The following TXNDC11 variants were observed in gnomAD, a reference collection of about 807,000 sequenced individuals.
TXNDC11 encodes thioredoxin domain-containing protein 11.
A neutral mutation model predicts 78.0 loss-of-function variants in TXNDC11; 68 were observed. The ratio of observed to expected loss-of-function variants is 0.87; its 90% CI spans 0.72 to 1.07. The LOEUF is 1.07. Among genes scored for constraint, TXNDC11 ranks in the 50% least tolerant of loss-of-function variants. The pLI, the probability that TXNDC11 is intolerant of heterozygous loss-of-function variation, is 0.00. For missense variants in TXNDC11, 1,389 were observed against 1,221.8 expected (o/e 1.14, Z -2.04); for synonymous variants, 571 against 495.2 (o/e 1.15, Z -2.03).
At chr16:11,721,753 A>G in intron 4 of TXNDC11, 83 bp from the exon 5 acceptor site, 1 of 694,330 alleles carries the variant, frequency 1.4e-6, no homozygotes, top group Non-Finnish European at 2.4e-6. Flanking sequence ...AAGACATATT[A>G]CAATTTGACA....
chr16:11,723,132 C>A (rs2141093173), intron 4 of TXNDC11, among the ~76,000 whole-genome samples: 1 of 151,980 alleles, frequency 6.6e-6, no homozygotes, highest in Admixed American at 6.6e-5. Context: ...GTGGTACATG[C>A]CTGTAGTCCC....
intron 1 of TXNDC11, among the ~76,000 whole-genome samples, chr16:11,741,080 C>T (rs1350137286): frequency 1.3e-5 from 2 of 152,124 alleles, no homozygotes; most frequent in African/African-American, 4.8e-5. Context: ...AATTATCTGA[C>T]CCAAAATATC....
At chr16:11,741,127 C>T (rs1467813229) in intron 1 of TXNDC11, among the ~76,000 whole-genome samples, 2 of 152,176 alleles carry the variant, frequency 1.3e-5, no homozygotes, top group Non-Finnish European at 2.9e-5. Flanking sequence ...CTGACAGTAC[C>T]TGGCCTATGG....
At chr16:11,709,457 C>T (rs1431988504) in intron 5 of TXNDC11, among the ~76,000 whole-genome samples, 3 of 92,842 alleles carry the variant, frequency 3.2e-5, no homozygotes, top group Non-Finnish European at 5.8e-5. Flanking sequence ...TTTTTTGAGA[C>T]GGAGTCTCGC....
chr16:11,715,307 T>C (rs1450879624), intron 5 of TXNDC11, among the ~76,000 whole-genome samples: 2 of 152,110 alleles, frequency 1.3e-5, no homozygotes, highest in Non-Finnish European at 2.9e-5. Context: ...ATTTGATCTC[T>C]ACAAAAAAAA....
intron 7 of TXNDC11, among the ~76,000 whole-genome samples, chr16:11,693,818 G>A (rs546144945): frequency 1.6e-4 from 24 of 152,254 alleles, no homozygotes; most frequent in African/African-American, 4.8e-4. Flanking sequence ...AATCCGTGAA[G>A]AGCCCAGATG....
At chr16:11,699,258 T>C (rs1439592460) in intron 6 of TXNDC11, among the ~76,000 whole-genome samples, 2 of 152,320 alleles carry the variant, frequency 1.3e-5, no homozygotes, top group East Asian at 1.9e-4. Context: ...AAACCTGATA[T>C]ATTTTTCCAT....
rs1179452100 is a variant in TXNDC11 at position 11,742,763 on chromosome 16, G to A, written c.-33C>T. The A allele has an allele frequency of 2.1e-6, 3 of 1,428,250 alleles. No homozygotes were observed. Among genetic ancestry groups the A allele is most frequent in the South Asian group, 3.0e-5 (2 of 66,792 alleles). The allele number at this position is 1,428,250 out of a possible 1,614,324, so 88.5% of individuals were successfully genotyped here. Reference sequence around the variant, plus strand: ...TCCCAGTCGCCGGCTTTATACCGCCGCCGCCGCCTCGGGCCCGAAGGCCCG... The same window carrying A: ...TCCCAGTCGCCGGCTTTATACCGCCACCGCCGCCTCGGGCCCGAAGGCCCG... On this transcript the variant is annotated 5_prime_UTR_variant, in exon 1 of 12. Coordinates refer to ENST00000283033, the MANE Select transcript of TXNDC11 (RefSeq NM_015914.7).
intron 1 of TXNDC11, among the ~76,000 whole-genome samples, chr16:11,737,884 C>G (rs2052273606): frequency 6.7e-6 from 1 of 148,278 alleles, no homozygotes; most frequent in Non-Finnish European, 1.5e-5. Context: ...AGGAAGCAAC[C>G]TAATTAGGAG....
intron 3 of TXNDC11, 73 bp downstream of exon 3, chr16:11,733,909 G>GA (rs1364615993): frequency 6.2e-6 from 7 of 1,128,424 alleles, no homozygotes; most frequent in East Asian, 2.5e-5. Flanking sequence ...CTTTAATATA[G>GA]AAAAAATGCA....
chr16:11,691,513 A>G lies in TXNDC11; in HGVS notation c.1677T>C (p.Phe559=). The change falls in exon 8 of 12, where the codon TTT becomes TTC. Residue 559 remains phenylalanine, a synonymous_variant. Transcript: ENST00000283033. The stretch of plus-strand genomic sequence containing the variant: ...TTGTGCTAGTCATGTCCACTTCTGG[A>G]AAGAGATACCTGTTCTCCTCAATGT... ...VPHIEENRYL[F]PEVDMTSTNF... The G allele has an allele frequency of 3.1e-6, 5 of 1,614,208 alleles. No individual in the cohort carries two copies. The highest frequency in any genetic ancestry group is 4.2e-6 in the Non-Finnish European group (5 of 1,180,044).
At chr16:11,680,933 G>A (rs2050407632) in intron 11 of TXNDC11, among the ~76,000 whole-genome samples, 1 of 152,154 alleles carries the variant, frequency 6.6e-6, no homozygotes, top group Admixed American at 6.5e-5. Context: ...TTGGGAGGCT[G>A]AGGTGGGAGG....
intron 11 of TXNDC11, among the ~76,000 whole-genome samples, chr16:11,683,003 G>C (rs959188639): frequency 1.3e-5 from 2 of 152,162 alleles, no homozygotes. Context: ...GCGAGCCAGG[G>C]AACTCCCTAA....
Position 11,679,410 on chromosome 16 carries a change from G to C in TXNDC11, c.2662C>G (p.Leu888Val). 1.2e-6 allele frequency: 2 copies of C among 1,613,368 alleles called. No individual in the cohort carries two copies. Among genetic ancestry groups the C allele is most frequent in the Non-Finnish European group, 1.7e-6 (2 of 1,179,794 alleles). Residue 888 changes from leucine to valine, a missense_variant, in exon 12 of 12, where the codon CTT becomes GTT. Leu to Val is a conservative substitution (Grantham distance 32). Transcript: ENST00000283033. The surrounding 1 kb of genome is among the most constrained non-coding windows in gnomAD (Gnocchi z 4.6). ...ATCTTGAGCCACGTGTTCTCGGTAAGGAGGTTTTCTGAGGCATCGGCCAGC... is the reference window on the plus strand; with the variant it reads ...ATCTTGAGCCACGTGTTCTCGGTAACGAGGTTTTCTGAGGCATCGGCCAGC... ...QELADASENLLTENTWLKILV... is the reference protein window; with the variant it reads ...QELADASENLVTENTWLKILV...
At chr16:11,715,771 C>T (rs1040492029) in intron 5 of TXNDC11, among the ~76,000 whole-genome samples, 18 of 152,004 alleles carry the variant, frequency 1.2e-4, no homozygotes, top group African/African-American at 3.4e-4. Flanking sequence ...GAAAACCATG[C>T]GTTACAAATA....
intron 1 of TXNDC11, among the ~76,000 whole-genome samples, chr16:11,740,002 G>A (rs184681762): frequency 1.4e-3 from 214 of 152,124 alleles, no homozygotes; most frequent in African/African-American, 4.9e-3. Context: ...AGACCAGCCT[G>A]GTCAACATGG....
At position 11,742,780 on chromosome 16, in the gene TXNDC11, G is replaced by C. The variant is rs749232547; in HGVS notation, c.-50C>G. 5.7e-6 allele frequency: 8 copies of C among 1,411,036 alleles called. No individual in the cohort carries two copies. The African/African-American group carries it at 6.0e-5, about 11-fold the overall frequency. 87.4% of individuals were successfully genotyped at this position (1,411,036 alleles called of 1,614,324 possible). A position where few individuals can be genotyped will look rare whatever the true frequency, so the allele number is the denominator to read the frequency against. ...ATACCGCCGCCGCCGCCTCGGGCCC[G>C]AAGGCCCGGCCCGGCCCGTTGCTCC... On this transcript the variant is annotated 5_prime_UTR_variant, in exon 1 of 12. Transcript: ENST00000283033.
Position 11,711,355 on chromosome 16 carries a change from T to C in TXNDC11, c.793+10222A>G, listed in dbSNP as rs527744910. On this transcript the variant is annotated intron_variant, in intron 5 of 11. Transcript: ENST00000283033. ...GCAGACACACAGATGTATTTTAAAG[T>C]TCTGGATGTCAAAAGTCCAAAATGA... Among the ~76,000 whole-genome samples, 7 of 152,284 alleles carry C rather than the reference T, an allele frequency of 4.6e-5. No homozygotes were observed. In the South Asian group the frequency reaches 1.5e-3, roughly 32 times the overall value.
chr16:11,720,410 G>C (rs1205876112), intron 5 of TXNDC11, among the ~76,000 whole-genome samples: 1 of 142,676 alleles, frequency 7.0e-6, no homozygotes, highest in African/African-American at 2.6e-5. Flanking sequence ...AGATTATGAT[G>C]TAATAATTTT....
Sources: gnomAD v4.1 joint callset for allele counts (sites outside exome capture counted in the v4.1 genomes callset) on GRCh38, gnomAD v4.1.1 for gene constraint, Gnocchi (gnomAD v3.1) non-coding constraint, MANE v1.5 for transcripts, NCBI Gene and HGNC (gene_info 2026-07-23, HGNC 2026-07-21) for gene names.